PAQR3: variants seen among roughly 807,000 people sequenced by gnomAD.
The protein encoded by PAQR3 is Raf kinase trapping to Golgi.
A neutral mutation model predicts 41.7 loss-of-function variants in PAQR3; 39 were observed. That is an observed-to-expected ratio of 0.93 (90% CI 0.72 to 1.22). The LOEUF is 1.22. PAQR3 is among the 50% of genes most tolerant of loss of function. The pLI, the probability that PAQR3 is intolerant of heterozygous loss-of-function variation, is 0.00. For missense variants in PAQR3, 366 were observed against 385.6 expected (o/e 0.95, Z 0.42); for synonymous variants, 140 against 140.6 (o/e 1.00, Z 0.03).
chr4:78,895,296 T>C (rs571019557), intron 11 of PAQR3, among the ~76,000 whole-genome samples: 1 of 152,314 alleles, frequency 6.6e-6, no homozygotes, highest in South Asian at 2.1e-4. Context: ...CTGTATTTAA[T>C]TTTACACTGA....
chr4:78,895,893 C>A (rs1382847171), intron 11 of PAQR3, among the ~76,000 whole-genome samples: 1 of 151,894 alleles, frequency 6.6e-6, no homozygotes, highest in Non-Finnish European at 1.5e-5. Context: ...TCCTAAGAAG[C>A]CTGGACTACA....
chr4:78,922,764 G>T, intron 5 of PAQR3: 1 of 371,856 alleles, frequency 2.7e-6, no homozygotes, highest in Non-Finnish European at 5.3e-6. Flanking sequence ...AACCCTGGGG[G>T]GAAAAAAAAG....
chr4:78,913,396 TAG>T lies in PAQR3; in HGVS notation c.*7141_*7142del, dbSNP rs1734775603. On this transcript the variant is annotated 3_prime_UTR_variant, in exon 6 of 6. Coordinates refer to ENST00000512733, the MANE Select transcript of PAQR3 (RefSeq NM_001040202.2). ...AGGTTTTATAGAAATCATTTAATGA[TAG>T]AGATTACATATGTGAATTAATGTGA... 6.6e-6 allele frequency: 1 copy of T among 152,198 alleles called. No homozygotes were observed. Among genetic ancestry groups the T allele is most frequent in the Admixed American group, 6.5e-5 (1 of 15,276 alleles). The allele number at this position is 152,198 out of a possible 1,614,324, so 9.4% of individuals were successfully genotyped here. A position where few individuals can be genotyped will look rare whatever the true frequency, so the allele number is the denominator to read the frequency against.
rs977482906 is a variant in PAQR3 at position 78,917,293 on chromosome 4, A to C, written c.*3246T>G. The C allele has an allele frequency of 6.6e-6, 1 of 151,914 alleles. No homozygotes were observed. The highest frequency in any genetic ancestry group is 1.5e-5 in the Non-Finnish European group (1 of 67,896). 9.4% of individuals were successfully genotyped at this position (151,914 alleles called of 1,614,324 possible). A position where few individuals can be genotyped will look rare whatever the true frequency, so the allele number is the denominator to read the frequency against. On this transcript the variant is annotated 3_prime_UTR_variant, in exon 6 of 6. Coordinates refer to ENST00000512733, the MANE Select transcript of PAQR3 (RefSeq NM_001040202.2). ...AGTTCAGATGGTTGTCACAATTGAG[A>C]TTATGTGCAGGTTAGGTAGTATTTT...
intron 1 of PAQR3, 144 bp from the exon 2 acceptor site, chr4:78,935,427 T>TA: frequency 1.7e-6 from 1 of 575,710 alleles, no homozygotes; most frequent in Non-Finnish European, 2.8e-6. Flanking sequence ...ATTTGATATA[T>TA]TATCTAATTA....
At chr4:78,926,423 A>G in intron 4 of PAQR3, 98 bp downstream of exon 4, 1 of 968,508 alleles carries the variant, frequency 1.0e-6, no homozygotes, top group Middle Eastern at 3.1e-4. Context: ...CAAATGACAA[A>G]CATCTACCCA....
In PAQR3 at chr4:78,916,026, A is replaced by G. The variant is rs145815542; in HGVS notation, c.*4513T>C. The G allele has an allele frequency of 6.6e-6, 1 of 152,024 alleles. No individual in the cohort carries two copies. The highest frequency in any genetic ancestry group is 1.5e-5 in the Non-Finnish European group (1 of 67,854). 9.4% of individuals were successfully genotyped at this position (152,024 alleles called of 1,614,324 possible). ...ATGTACCACTAAGCAAATAACTTTA[A>G]CCTTTAAATAAAGCAAATTTACATC... is the stretch of plus-strand genomic sequence containing the variant. On this transcript the variant is annotated 3_prime_UTR_variant, in exon 6 of 6. Transcript: ENST00000512733.
intron 2 of PAQR3, among the ~76,000 whole-genome samples, chr4:78,932,297 T>C (rs1239097540): frequency 6.6e-6 from 1 of 152,148 alleles, no homozygotes; most frequent in Non-Finnish European, 1.5e-5. Flanking sequence ...TAAACGTAAC[T>C]CAAAGAAGTT....
At chr4:78,933,452 T>C (rs1233388061) in intron 2 of PAQR3, among the ~76,000 whole-genome samples, 2 of 152,146 alleles carry the variant, frequency 1.3e-5, no homozygotes, top group Non-Finnish European at 2.9e-5. Flanking sequence ...AAAAATGTTA[T>C]GTCTTTTAAT....
intron 11 of PAQR3, among the ~76,000 whole-genome samples, chr4:78,888,894 T>C (rs1043382333): frequency 1.3e-5 from 2 of 152,204 alleles, no homozygotes; most frequent in African/African-American, 4.8e-5. Context: ...AAAATTCATA[T>C]TCCTTAGATT....
chr4:78,919,612 G>C lies in PAQR3; in HGVS notation c.*927C>G. 1.0e-6 allele frequency: 1 copy of C among 984,986 alleles called. No homozygotes were observed. Among genetic ancestry groups the C allele is most frequent in the Non-Finnish European group, 1.2e-6 (1 of 829,760 alleles). 61.0% of individuals were successfully genotyped at this position (984,986 alleles called of 1,614,324 possible). A position where few individuals can be genotyped will look rare whatever the true frequency, so the allele number is the denominator to read the frequency against. ...AAGGTTCATTTCAGGGTCAAGACAG[G>C]GCCATCTAGATTCTATGGCCTTGCA... On this transcript the variant is annotated 3_prime_UTR_variant, in exon 6 of 6. Transcript: ENST00000512733.
At chr4:78,910,097 A>T (rs566329063), downstream of PAQR3, among the ~76,000 whole-genome samples, 2 of 152,212 alleles carry the variant, frequency 1.3e-5, no homozygotes, top group African/African-American at 4.8e-5. Context: ...TGCTAAGTCA[A>T]TTCAAAAGAT....
Position 78,926,614 on chromosome 4 carries a change from A to G in PAQR3, c.609T>C (p.Arg203=). 6.2e-7 allele frequency: 1 copy of G among 1,614,030 alleles called. No individual in the cohort carries two copies. The highest frequency in any genetic ancestry group is 8.5e-7 in the Non-Finnish European group (1 of 1,179,886). Residue 203 remains arginine (R), a synonymous_variant, in exon 4 of 6, where the codon CGT becomes CGC. Transcript: ENST00000512733. ...CCGAAACAGAACAAAAGATGATAGAACGGAGCCTTTGCCATTGCTGCGTGA... is the reference window on the plus strand; with the variant it reads ...CCGAAACAGAACAAAAGATGATAGAGCGGAGCCTTTGCCATTGCTGCGTGA... ...NYLTQQWQRL[R]SIIFCSVSGY...
intron 2 of PAQR3, among the ~76,000 whole-genome samples, chr4:78,933,913 TA>T (rs1192446323): frequency 6.6e-6 from 1 of 152,172 alleles, no homozygotes; most frequent in Non-Finnish European, 1.5e-5. Flanking sequence ...ATAATATGCA[TA>T]TAACTAACAA....
chr4:78,899,577 A>C (rs1733889918), intron 11 of PAQR3, among the ~76,000 whole-genome samples: 1 of 152,158 alleles, frequency 6.6e-6, no homozygotes, highest in South Asian at 2.1e-4. Context: ...GTGAAGAGGC[A>C]AGACAAAGGA....
Position 78,912,102 on chromosome 4 carries a change from A to G in PAQR3, c.*8437T>C. On this transcript the variant is annotated 3_prime_UTR_variant, in exon 6 of 6. Coordinates refer to ENST00000512733, the MANE Select transcript of PAQR3 (RefSeq NM_001040202.2). ...GTGTGAACAGTTTTATGAATTTGAA[A>G]GAAAATTTGGTAGCTCTTTATAGCA... is the stretch of plus-strand genomic sequence containing the variant. The G allele has an allele frequency of 7.0e-7, 1 of 1,424,038 alleles. No homozygotes were observed. The highest frequency in any genetic ancestry group is 9.6e-7 in the Non-Finnish European group (1 of 1,044,806). The allele number at this position is 1,424,038 out of a possible 1,614,324, so 88.2% of individuals were successfully genotyped here.
intron 2 of PAQR3, among the ~76,000 whole-genome samples, chr4:78,931,917 T>C (rs960644265): frequency 2.6e-5 from 4 of 152,184 alleles, no homozygotes; most frequent in African/African-American, 9.7e-5. Context: ...CCTGAAGATT[T>C]TAAGTGCCCC....
chr4:78,931,194 A>T (rs1451721819), intron 2 of PAQR3, among the ~76,000 whole-genome samples: 8 of 149,528 alleles, frequency 5.4e-5, no homozygotes, highest in Admixed American at 2.7e-4. Context: ...TTAAAAAAAA[A>T]AAAAAAAAAA....
chr4:78,934,954 A>G (rs949075343), intron 2 of PAQR3, among the ~76,000 whole-genome samples, 167 bp downstream of exon 2: 5 of 152,196 alleles, frequency 3.3e-5, no homozygotes, highest in Non-Finnish European at 7.3e-5. Flanking sequence ...ACATACTCTC[A>G]TAAGAACACA....
Sources: gnomAD v4.1 joint callset for allele counts (sites outside exome capture counted in the v4.1 genomes callset) on GRCh38, gnomAD v4.1.1 for gene constraint, MANE v1.5 for transcripts, NCBI Gene and HGNC (gene_info 2026-07-23, HGNC 2026-07-21) for gene names.